The following KLHDC3 variants were observed in gnomAD, a reference collection of about 807,000 sequenced individuals.
The protein encoded by KLHDC3 is kelch domain containing 3.
KLHDC3 carries 5 observed loss-of-function variants against 44.1 expected under a neutral mutation model. That is an observed-to-expected ratio of 0.11 (90% confidence interval 0.06 to 0.24). The LOEUF (loss-of-function observed/expected upper bound fraction) is 0.24. Ranked by LOEUF, KLHDC3 falls within the 10% of genes least tolerant of loss-of-function variation. The probability of loss-of-function intolerance (pLI) is 1.00; values close to 1 mark genes in which losing one functional copy is unlikely to be tolerated. For missense variants in KLHDC3, 247 were observed against 514.3 expected (o/e 0.48, Z 5.03); for synonymous variants, 170 against 189.0 (o/e 0.90, Z 0.82).
chr6:43,020,906 G>T lies in KLHDC3; in HGVS notation c.*173G>T, dbSNP rs1174823883. 2.9e-6 allele frequency: 2 copies of T among 681,480 alleles called. No individual in the cohort carries two copies. Among genetic ancestry groups the T allele is most frequent in the Non-Finnish European group, 5.3e-6 (2 of 375,036 alleles). The allele number at this position is 681,480 out of a possible 1,614,324, so 42.2% of individuals were successfully genotyped here. A position where few individuals can be genotyped will look rare whatever the true frequency, so the allele number is the denominator to read the frequency against. On this transcript the variant is annotated 3_prime_UTR_variant, in exon 11 of 11. Coordinates refer to ENST00000326974, the MANE Select transcript of KLHDC3 (RefSeq NM_057161.4). ...TCAGTGGGGAGCTGTAGCGGGGTGGGGGCTAGGTTCCTCCCCCCTTGGGCC... is the reference window on the plus strand; with the variant it reads ...TCAGTGGGGAGCTGTAGCGGGGTGGTGGCTAGGTTCCTCCCCCCTTGGGCC...
chr6:43,020,237 G>C (rs1762658767), intron 10 of KLHDC3, among the ~76,000 whole-genome samples: 1 of 152,060 alleles, frequency 6.6e-6, no homozygotes, highest in Non-Finnish European at 1.5e-5. Context: ...TAGGAGTGCT[G>C]AGTCAGAGCC....
chr6:43,017,490 C>G lies in KLHDC3; in HGVS notation c.155-29C>G. The G allele has an allele frequency of 1.3e-6, 2 of 1,570,538 alleles. No individual in the cohort carries two copies. ...AAAGTGGACAGCCTGGAGGGAGGTT[C>G]CCAGGGCTGAGCAGAGCTGTGCCCA... On this transcript the variant is annotated intron_variant, in intron 2 of 10. Coordinates refer to ENST00000326974, the MANE Select transcript of KLHDC3 (RefSeq NM_057161.4). This position sits in a 1 kb window ranked among gnomAD's most constrained non-coding sequence, Gnocchi z 6.0.
chr6:43,014,306 G>A lies in KLHDC3; in HGVS notation c.-102G>A. On this transcript the variant is annotated 5_prime_UTR_variant, in exon 1 of 11. Transcript: ENST00000326974. ...GCGCGCAACGGGTTCTAGGCTGCAG[G>A]CAGCTCGAGGACCCGCGGCCCCGCC... 1 of 670,558 alleles carries A rather than the reference G, an allele frequency of 1.5e-6. No individual in the cohort carries two copies. The highest frequency in any genetic ancestry group is 2.5e-6 in the Non-Finnish European group (1 of 398,130). The allele number at this position is 670,558 out of a possible 1,614,324, so 41.5% of individuals were successfully genotyped here.
intron 10 of KLHDC3, among the ~76,000 whole-genome samples, chr6:43,019,611 T>C (rs1390202534): frequency 3.3e-5 from 5 of 152,168 alleles, no homozygotes; most frequent in Admixed American, 6.6e-5. Flanking sequence ...CCTAAGCTTA[T>C]ACAGTTATTT....
chr6:43,018,325 C>T lies in KLHDC3; in HGVS notation c.520-18C>T, dbSNP rs1337102820. The T allele has an allele frequency of 6.2e-6, 10 of 1,610,272 alleles. No homozygotes were observed. Among genetic ancestry groups the T allele is most frequent in the Non-Finnish European group, 6.8e-6 (8 of 1,177,348 alleles). Reference sequence around the variant, plus strand: ...GTCTTTGTGCTGACCCCTCCACCATCTCTCTGCCTCTGCCCAGGGCAGCCC... The same window carrying T: ...GTCTTTGTGCTGACCCCTCCACCATTTCTCTGCCTCTGCCCAGGGCAGCCC... On this transcript the variant is annotated intron_variant, in intron 5 of 10. Transcript: ENST00000326974. This position sits in a 1 kb window ranked among gnomAD's most constrained non-coding sequence, Gnocchi z 6.0.
At chr6:43,015,157 C>T (rs1348503998) in intron 1 of KLHDC3, among the ~76,000 whole-genome samples, 1 of 152,152 alleles carries the variant, frequency 6.6e-6, no homozygotes, top group Non-Finnish European at 1.5e-5. Context: ...GCCCATCGAC[C>T]TCCTAACAGT....
At position 43,017,328 on chromosome 6, in the gene KLHDC3, G is replaced by A; in HGVS notation, c.136G>A (p.Val46Met). 1 of 1,613,654 alleles carries A rather than the reference G, an allele frequency of 6.2e-7. No homozygotes were observed. Among genetic ancestry groups the A allele is most frequent in the East Asian group, 2.2e-5 (1 of 44,872 alleles). The change falls in exon 2 of 11, where the codon GTG (valine) becomes ATG (methionine). Residue 46 changes from valine (V) to methionine (M), a missense_variant. Coordinates refer to ENST00000326974, the MANE Select transcript of KLHDC3 (RefSeq NM_057161.4). The surrounding 1 kb of genome is among the most constrained non-coding windows in gnomAD (Gnocchi z 6.0). ...EDYETLRQID[V>M]HIFNAVSLRW... is the part of the protein sequence containing the mutation. ...CTATGAGACACTGCGTCAGATAGAT[G>A]TGCACATTTTCAATGCAGGTAAGCC...
chr6:43,019,742 G>C (rs1246436216), intron 10 of KLHDC3, among the ~76,000 whole-genome samples: 1 of 152,232 alleles, frequency 6.6e-6, no homozygotes, highest in Non-Finnish European at 1.5e-5. Context: ...TTTGAATTTC[G>C]TTCTTAGGTT....
At chr6:43,016,852 G>A (rs534427155) in intron 1 of KLHDC3, 7 of 298,520 alleles carry the variant, frequency 2.3e-5, no homozygotes, top group South Asian at 1.6e-4. Context: ...GAGCCTCCAC[G>A]AGTAGGTTGT....
chr6:43,017,889 C>G lies in KLHDC3; in HGVS notation c.368C>G (p.Thr123Arg). The change falls in exon 4 of 11, where the codon ACA (threonine) becomes AGA (arginine). Residue 123 changes from threonine to arginine, a missense_variant. Around this residue, in one of 2 missense-constraint regions of KLHDC3, gnomAD observed 176 missense variants for 413.5 expected, o/e 0.43. Transcript: ENST00000326974. This position sits in a 1 kb window ranked among gnomAD's most constrained non-coding sequence, Gnocchi z 6.0. ...HKWFTPRVSG[T>R]VPGARDGHSA... ...TGGTTCACACCCCGAGTGTCAGGGA[C>G]AGTTCCTGGGGCCCGGGATGGACAT... 1 of 1,614,056 alleles carries G rather than the reference C, an allele frequency of 6.2e-7. No homozygotes were observed. The highest frequency in any genetic ancestry group is 8.5e-7 in the Non-Finnish European group (1 of 1,180,028).
rs780438836 is a variant in KLHDC3 at position 43,018,937 on chromosome 6, G to C, written c.895G>C (p.Val299Leu). 1.9e-6 allele frequency: 3 copies of C among 1,612,742 alleles called. No individual in the cohort carries two copies. The highest frequency in any genetic ancestry group is 2.5e-6 in the Non-Finnish European group (3 of 1,179,322). The change falls in exon 8 of 11, where the codon GTT becomes CTT. Residue 299 changes from valine (V) to leucine (L), a missense_variant. This residue lies in a region of KLHDC3 where 176 missense variants were observed against 413.5 expected (regional missense o/e 0.43). Transcript: ENST00000326974. The surrounding 1 kb of genome is among the most constrained non-coding windows in gnomAD (Gnocchi z 6.0). The stretch of plus-strand genomic sequence containing the variant: ...CCGCCGGCGCCAGTGCTGCTGTATT[G>C]TTGGTGACAAGATTGTCCTCTTTGG... ...CPRRRQCCCI[V>L]GDKIVLFGGT... is the part of the protein sequence containing the mutation.
Position 43,017,396 on chromosome 6 carries a change from G to A in KLHDC3, c.154+50G>A, listed in dbSNP as rs181833856. 5.9e-5 allele frequency: 94 copies of A among 1,585,292 alleles called. No homozygotes were observed. In the Admixed American group the frequency reaches 1.0e-3, roughly 17 times the overall value. On this transcript the variant is annotated intron_variant, in intron 2 of 10. Transcript: ENST00000326974. This position sits in a 1 kb window ranked among gnomAD's most constrained non-coding sequence, Gnocchi z 6.0. ...TGGGTCCCCACATCAGGGTGGGAAC[G>A]GGCTGCTGATGAGGTTTGGCTGTGG...
In KLHDC3 at chr6:43,018,987, G is replaced by A. The variant is rs1762637722; in HGVS notation, c.929+16G>A. On this transcript the variant is annotated intron_variant, in intron 8 of 10. Coordinates refer to ENST00000326974, the MANE Select transcript of KLHDC3 (RefSeq NM_057161.4). This position sits in a 1 kb window ranked among gnomAD's most constrained non-coding sequence, Gnocchi z 6.0. The stretch of plus-strand genomic sequence containing the variant: ...GGGGTACCAGGTTAGAAGGAGAGAG[G>A]GAAGGGGCTCAGGGAAGTCACTAAT... 1 of 1,591,630 alleles carries A rather than the reference G, an allele frequency of 6.3e-7. No homozygotes were observed. Among genetic ancestry groups the A allele is most frequent in the Non-Finnish European group, 8.6e-7 (1 of 1,162,002 alleles).
Position 43,021,070 on chromosome 6 carries a change from GC to G in KLHDC3, c.*339del. The G allele has an allele frequency of 2.0e-6, 1 of 501,916 alleles. No homozygotes were observed. The highest frequency in any genetic ancestry group is 3.9e-6 in the Non-Finnish European group (1 of 257,130). The allele number at this position is 501,916 out of a possible 1,614,324, so 31.1% of individuals were successfully genotyped here. On this transcript the variant is annotated 3_prime_UTR_variant, in exon 11 of 11. Coordinates refer to ENST00000326974, the MANE Select transcript of KLHDC3 (RefSeq NM_057161.4). Reference sequence around the variant, plus strand: ...GAAGGGAGAAGCAAGCAGTGTCTGAGCCTCAGGAGCTTCCCCCTCCCCCTTT... The same window carrying G: ...GAAGGGAGAAGCAAGCAGTGTCTGAGCTCAGGAGCTTCCCCCTCCCCCTTT...
chr6:43,017,432 C>CA lies in KLHDC3; in HGVS notation c.155-85dup. 4 of 1,565,984 alleles carry CA rather than the reference C, an allele frequency of 2.6e-6. No homozygotes were observed. The highest frequency in any genetic ancestry group is 3.5e-6 in the Non-Finnish European group (4 of 1,151,596). The stretch of plus-strand genomic sequence containing the variant: ...GAGGTTTGGCTGTGGTCTCTGGGAC[C>CA]AAGGGGATTGGGGACAAACATCTGG... On this transcript the variant is annotated intron_variant, in intron 2 of 10. Transcript: ENST00000326974. The surrounding 1 kb of genome is among the most constrained non-coding windows in gnomAD (Gnocchi z 6.0).
chr6:43,020,590 T>C (rs1276055739), intron 10 of KLHDC3, 77 bp from the exon 11 acceptor site: 1 of 1,196,960 alleles, frequency 8.4e-7, no homozygotes, highest in Non-Finnish European at 1.2e-6. Context: ...CTGGTGTGTT[T>C]TTAGCTTGGT....
chr6:43,014,303 C>A lies in KLHDC3; in HGVS notation c.-105C>A. ...TTGGCGCGCAACGGGTTCTAGGCTG[C>A]AGGCAGCTCGAGGACCCGCGGCCCC... On this transcript the variant is annotated 5_prime_UTR_variant, in exon 1 of 11. Transcript: ENST00000326974. 1 of 694,090 alleles carries A rather than the reference C, an allele frequency of 1.4e-6. No homozygotes were observed. The highest frequency in any genetic ancestry group is 2.4e-6 in the Non-Finnish European group (1 of 419,930). 43.0% of individuals were successfully genotyped at this position (694,090 alleles called of 1,614,324 possible).
Position 43,018,759 on chromosome 6 carries a change from TGAGGTGG to T in KLHDC3, c.820+45_820+51del. The T allele has an allele frequency of 6.3e-7, 1 of 1,587,724 alleles. No individual in the cohort carries two copies. Among genetic ancestry groups the T allele is most frequent in the African/African-American group, 1.3e-5 (1 of 74,386 alleles). ...ATTTAGGGCAGGAACAAGGAGCAAT[TGAGGTGG>T]GAGGAAAAGAAAATAATCCTGAGGC... On this transcript the variant is annotated intron_variant, in intron 7 of 10. Coordinates refer to ENST00000326974, the MANE Select transcript of KLHDC3 (RefSeq NM_057161.4). This position sits in a 1 kb window ranked among gnomAD's most constrained non-coding sequence, Gnocchi z 6.0.
Position 43,017,188 on chromosome 6 carries a change from A to G in KLHDC3, c.-5A>G, listed in dbSNP as rs1762599299. 2 of 1,611,640 alleles carry G rather than the reference A, an allele frequency of 1.2e-6. No homozygotes were observed. The highest frequency in any genetic ancestry group is 2.7e-5 in the African/African-American group (2 of 75,034). On this transcript the variant is annotated 5_prime_UTR_variant, in exon 2 of 11. Coordinates refer to ENST00000326974, the MANE Select transcript of KLHDC3 (RefSeq NM_057161.4). The surrounding 1 kb of genome is among the most constrained non-coding windows in gnomAD (Gnocchi z 6.0). ...GGCATGTTGCTGTAACCAGTGGCCC[A>G]GGGGATGTTACGGTGGACAGTGCAC...
Sources: gnomAD v4.1 joint callset for allele counts (sites outside exome capture counted in the v4.1 genomes callset) on GRCh38, gnomAD v4.1.1 for gene constraint, gnomAD v4.1.1 regional missense constraint, Gnocchi (gnomAD v3.1) non-coding constraint, MANE v1.5 for transcripts, NCBI Gene and HGNC (gene_info 2026-07-23, HGNC 2026-07-21) for gene names.